The following KHDRBS3 variants were observed in gnomAD, a reference collection of about 807,000 sequenced individuals.
KHDRBS3 encodes the protein KH domain-containing, RNA-binding, signal transduction-associated protein 3.
In KHDRBS3, 23 loss-of-function variants were observed where a neutral mutation model predicts 45.6. The observed-to-expected ratio is 0.50, with a 90% CI of 0.36 to 0.72. KHDRBS3 has a LOEUF of 0.72. Among genes scored for constraint, KHDRBS3 ranks in the 30% least tolerant of loss-of-function variants. The probability of loss-of-function intolerance (pLI) is 0.00; values close to 1 mark genes in which losing one functional copy is unlikely to be tolerated. For synonymous variants in KHDRBS3, 162 were observed against 156.5 expected, an observed-to-expected ratio of 1.04 and a Z score of -0.26; for missense variants, 352 against 424.8, an observed-to-expected ratio of 0.83 and a Z score of 1.51.
At chr8:135,614,725 A>AT (rs1229071702) in intron 7 of KHDRBS3, among the ~76,000 whole-genome samples, 2 of 151,846 alleles carry the variant, frequency 1.3e-5, no homozygotes. Flanking sequence ...AACAAAAAAA[A>AT]GAGTAGAGAC....
At chr8:135,480,101 C>A (rs1485300000) in intron 1 of KHDRBS3, among the ~76,000 whole-genome samples, 1 of 144,832 alleles carries the variant, frequency 6.9e-6, no homozygotes, top group African/African-American at 2.5e-5. Context: ...AAGCTTTTAA[C>A]AAATTCTGAC....
chr8:135,572,769 C>A (rs1035431228), intron 5 of KHDRBS3, among the ~76,000 whole-genome samples: 1 of 152,254 alleles, frequency 6.6e-6, no homozygotes, highest in African/African-American at 2.4e-5. Context: ...CCAACATCAT[C>A]TCTTCAAAAG....
intron 1 of KHDRBS3, among the ~76,000 whole-genome samples, chr8:135,491,908 T>A (rs1823172721): frequency 6.6e-6 from 1 of 150,852 alleles, no homozygotes; most frequent in African/African-American, 2.4e-5. Flanking sequence ...AGTAATTTTC[T>A]TTTTCACTGC....
intron 7 of KHDRBS3, among the ~76,000 whole-genome samples, chr8:135,640,098 A>G (rs1189450365): frequency 1.3e-5 from 2 of 152,154 alleles, no homozygotes; most frequent in Admixed American, 6.6e-5. Flanking sequence ...TTTGCTAGTG[A>G]TGGAGCATGA....
At chr8:135,541,007 C>T (rs1319856035) in intron 2 of KHDRBS3, 1 of 152,130 alleles carries the variant, frequency 6.6e-6, no homozygotes, top group African/African-American at 2.4e-5. Context: ...TCAATATCTT[C>T]AGAAAGGATG....
intron 6 of KHDRBS3, among the ~76,000 whole-genome samples, chr8:135,597,449 C>A (rs77965968): frequency 3.7e-4 from 56 of 152,256 alleles, no homozygotes; most frequent in African/African-American, 1.1e-3. Flanking sequence ...TTCTCTCCCC[C>A]CTAGTCCCCT....
intron 4 of KHDRBS3, among the ~76,000 whole-genome samples, chr8:135,552,568 GTC>G (rs1326444590): frequency 5.9e-5 from 9 of 152,020 alleles, no homozygotes; most frequent in Non-Finnish European, 5.9e-5. Flanking sequence ...TTGTTGAAAA[GTC>G]TGTATTTTCG....
intron 5 of KHDRBS3, among the ~76,000 whole-genome samples, chr8:135,573,617 T>G (rs1032032250): frequency 2.0e-5 from 3 of 152,232 alleles, no homozygotes; most frequent in Non-Finnish European, 4.4e-5. Flanking sequence ...ATTTGAGTAT[T>G]AATGTGTTGG....
intron 2 of KHDRBS3, among the ~76,000 whole-genome samples, chr8:135,532,367 C>T (rs1376781346): frequency 6.6e-6 from 1 of 152,028 alleles, no homozygotes; most frequent in East Asian, 1.9e-4. Context: ...GTATTTTTGT[C>T]CTTGGGCAGG....
rs868480307 is a variant in KHDRBS3, at chr8:135,645,152, G to A, written c.949+35G>A. The A allele has an allele frequency of 1.4e-5, 23 of 1,605,882 alleles. No homozygotes were observed. In the Middle Eastern group the frequency reaches 3.1e-3, roughly 219 times the overall value. On this transcript the variant is annotated intron_variant, in intron 8 of 8. Transcript: ENST00000355849. ...TGGCCAGAGCATGTGAAGAGAGGGA[G>A]GAGAGATGGCCGTAGAAAGACCTTA...
intron 7 of KHDRBS3, among the ~76,000 whole-genome samples, chr8:135,611,605 C>T (rs1382580394): frequency 6.6e-6 from 1 of 151,896 alleles, no homozygotes; most frequent in African/African-American, 2.4e-5. Flanking sequence ...GCTCTTTTAT[C>T]TGTGCACTAA....
At chr8:135,566,627 G>T (rs1827429592) in intron 5 of KHDRBS3, among the ~76,000 whole-genome samples, 1 of 152,132 alleles carries the variant, frequency 6.6e-6, no homozygotes, top group Admixed American at 6.5e-5. Context: ...GGCCAAGGTG[G>T]GAAGATCACT....
intron 1 of KHDRBS3, among the ~76,000 whole-genome samples, chr8:135,494,479 C>A (rs560313044): frequency 6.6e-6 from 1 of 151,896 alleles, no homozygotes; most frequent in Non-Finnish European, 1.5e-5. Flanking sequence ...GGGGTTTCAC[C>A]GTGTTAGCCA....
intron 1 of KHDRBS3, among the ~76,000 whole-genome samples, chr8:135,477,140 T>C (rs1389352613): frequency 6.6e-6 from 1 of 152,196 alleles, no homozygotes; most frequent in Admixed American, 6.5e-5. Flanking sequence ...CAATAATGTA[T>C]ATAGGTTACA....
At chr8:135,489,268 T>TACC (rs551907389) in intron 1 of KHDRBS3, among the ~76,000 whole-genome samples, 3 of 152,214 alleles carry the variant, frequency 2.0e-5, no homozygotes, top group Non-Finnish European at 4.4e-5. Flanking sequence ...GTTCTAAATT[T>TACC]ACCACCGTAT....
intron 5 of KHDRBS3, among the ~76,000 whole-genome samples, chr8:135,580,711 C>T (rs1424992838): frequency 2.0e-5 from 3 of 150,190 alleles, no homozygotes; most frequent in African/African-American, 7.4e-5. Flanking sequence ...CTCTTGGGTT[C>T]AAGTGATTGT....
intron 1 of KHDRBS3, among the ~76,000 whole-genome samples, chr8:135,501,229 A>C (rs1296353247): frequency 6.6e-6 from 1 of 152,288 alleles, no homozygotes; most frequent in South Asian, 2.1e-4. Flanking sequence ...CTGAATTCTG[A>C]GCTCTTTTTC....
chr8:135,519,425 C>T (rs1378066421), intron 1 of KHDRBS3, among the ~76,000 whole-genome samples: 1 of 152,166 alleles, frequency 6.6e-6, no homozygotes, highest in East Asian at 1.9e-4. Context: ...AGATTTCTGC[C>T]TAACTACAAA....
chr8:135,482,771 G>A (rs1353065904), intron 1 of KHDRBS3, among the ~76,000 whole-genome samples: 3 of 152,102 alleles, frequency 2.0e-5, no homozygotes, highest in African/African-American at 4.8e-5. Flanking sequence ...GTCTACCTCT[G>A]CAGCACTTTG....
Sources: gnomAD v4.1 joint callset for allele counts (sites outside exome capture counted in the v4.1 genomes callset) on GRCh38, gnomAD v4.1.1 for gene constraint, MANE v1.5 for transcripts, NCBI Gene and HGNC (gene_info 2026-07-23, HGNC 2026-07-21) for gene names.